Variants in SLC44A5 observed in about 807,000 individuals in gnomAD.
SLC44A5 encodes solute carrier family 44 member 5, also known as choline transporter-like protein 5.
SLC44A5 carries 57 observed loss-of-function variants against 101.8 expected under a neutral mutation model. That is an observed-to-expected ratio of 0.56 (90% confidence interval 0.45 to 0.70). The LOEUF is 0.70. Among genes scored for constraint, SLC44A5 ranks in the 30% least tolerant of loss-of-function variants. The pLI is 0.00. For missense variants in SLC44A5, 737 were observed against 853.1 expected (o/e 0.86, Z 1.70); for synonymous variants, 281 against 290.9 (o/e 0.97, Z 0.35).
At chr1:75,211,620 T>A (rs1476150525) in intron 22 of SLC44A5, 68 bp from the exon 23 acceptor site, 1 of 1,175,972 alleles carries the variant, frequency 8.5e-7, no homozygotes, top group East Asian at 2.4e-5. Context: ...AATGCAGCTA[T>A]AAATGAAAGC....
intron 2 of SLC44A5, among the ~76,000 whole-genome samples, chr1:75,486,889 G>C (rs542443078): frequency 2.0e-5 from 3 of 152,272 alleles, no homozygotes; most frequent in South Asian, 2.1e-4. Flanking sequence ...TAATTACTTA[G>C]CTCTGTTATG....
At chr1:75,605,310 C>T (rs1675258118) in intron 1 of SLC44A5, among the ~76,000 whole-genome samples, 1 of 151,652 alleles carries the variant, frequency 6.6e-6, no homozygotes, top group African/African-American at 2.4e-5. Flanking sequence ...TCTTCAGAGC[C>T]TTTCTTAAAA....
the SLC44A5 span, among the ~76,000 whole-genome samples, chr1:75,713,848 G>A: frequency 1.3e-5 from 2 of 152,170 alleles, no homozygotes; most frequent in Non-Finnish European, 2.9e-5. Flanking sequence ...TGTTGCCCAA[G>A]CTGAAGTGTG....
chr1:75,277,082 T>C (rs1414039290), intron 5 of SLC44A5, among the ~76,000 whole-genome samples: 2 of 152,186 alleles, frequency 1.3e-5, no homozygotes, highest in East Asian at 3.9e-4. Context: ...CTAGAAGTTA[T>C]ACCAATGTGA....
chr1:75,248,679 T>C (rs757438366), intron 7 of SLC44A5, among the ~76,000 whole-genome samples: 2 of 152,072 alleles, frequency 1.3e-5, no homozygotes, highest in Non-Finnish European at 2.9e-5. Flanking sequence ...CAACGGTCTG[T>C]AGTATGGTTG....
intron 6 of SLC44A5, among the ~76,000 whole-genome samples, chr1:75,265,841 G>A (rs1650937623): frequency 6.6e-6 from 1 of 152,042 alleles, no homozygotes; most frequent in Non-Finnish European, 1.5e-5. Context: ...AAGTAATTTC[G>A]GCACAACCTT....
At chr1:75,670,913 A>C in the SLC44A5 span, among the ~76,000 whole-genome samples, 1 of 152,214 alleles carries the variant, frequency 6.6e-6, no homozygotes, top group Non-Finnish European at 1.5e-5. Context: ...GGGTATGATA[A>C]GACATGCACA....
At chr1:75,558,834 C>T (rs2102002004) in intron 1 of SLC44A5, among the ~76,000 whole-genome samples, 1 of 152,148 alleles carries the variant, frequency 6.6e-6, no homozygotes, top group South Asian at 2.1e-4. Flanking sequence ...TTCTTTTCCT[C>T]AGAATCAAAA....
chr1:75,204,000 T>C (rs1408698678), intron 23 of SLC44A5, among the ~76,000 whole-genome samples, 167 bp from the exon 24 acceptor site: 2 of 152,078 alleles, frequency 1.3e-5, no homozygotes, highest in Admixed American at 6.6e-5. Flanking sequence ...ATTGTAAACA[T>C]AGTTATGCGA....
intron 1 of SLC44A5, among the ~76,000 whole-genome samples, chr1:75,553,772 A>G (rs1672066837): frequency 2.0e-5 from 3 of 152,154 alleles, no homozygotes; most frequent in East Asian, 1.9e-4. Flanking sequence ...TGGTCCCCCA[A>G]TTATTCAACT....
chr1:75,272,583 A>C (rs1265298118), intron 6 of SLC44A5, among the ~76,000 whole-genome samples: 1 of 151,880 alleles, frequency 6.6e-6, no homozygotes, highest in East Asian at 1.9e-4. Flanking sequence ...AGAGATGAGG[A>C]TCCAGTTTCA....
At chr1:75,642,139 C>T in the SLC44A5 span, 14 of 866,968 alleles carry the variant, frequency 1.6e-5, no homozygotes, top group South Asian at 1.7e-4. Flanking sequence ...ATTAAAACTG[C>T]CTGTAAATAA....
chr1:75,610,174 C>CAT (rs1491020386), intron 1 of SLC44A5, among the ~76,000 whole-genome samples: 1 of 146,482 alleles, frequency 6.8e-6, no homozygotes, highest in African/African-American at 2.5e-5. Flanking sequence ...CACACACACA[C>CAT]ATAGTGAAGT....
chr1:75,345,315 T>TA (rs1268378614), intron 3 of SLC44A5, among the ~76,000 whole-genome samples: 1 of 151,174 alleles, frequency 6.6e-6, no homozygotes, highest in African/African-American at 2.5e-5. Context: ...TTAACTGGTA[T>TA]AAAATGTTAT....
intron 13 of SLC44A5, among the ~76,000 whole-genome samples, chr1:75,222,728 T>C (rs577533573): frequency 6.6e-6 from 1 of 152,338 alleles, no homozygotes; most frequent in Admixed American, 6.5e-5. Flanking sequence ...ACACAACTTG[T>C]AGAACTTAGA....
chr1:75,337,320 T>C (rs1026938518), intron 4 of SLC44A5, among the ~76,000 whole-genome samples: 3 of 152,190 alleles, frequency 2.0e-5, no homozygotes, highest in Non-Finnish European at 2.9e-5. Flanking sequence ...ATCAGTAGGC[T>C]TCCTACAAGG....
At chr1:75,251,555 T>A (rs1401956991) in intron 6 of SLC44A5, among the ~76,000 whole-genome samples, 1 of 152,174 alleles carries the variant, frequency 6.6e-6, no homozygotes, top group Admixed American at 6.6e-5. Flanking sequence ...AACATTACAT[T>A]GCCATTGAAA....
At chr1:75,701,715 T>C in the SLC44A5 span, among the ~76,000 whole-genome samples, 1 of 152,228 alleles carries the variant, frequency 6.6e-6, no homozygotes, top group Non-Finnish European at 1.5e-5. Context: ...GGAAGTCAAA[T>C]TGTTCCTGTT....
the SLC44A5 span, among the ~76,000 whole-genome samples, chr1:75,633,741 G>A: frequency 6.6e-6 from 1 of 151,896 alleles, no homozygotes; most frequent in East Asian, 1.9e-4. Flanking sequence ...GCCCTGGCCA[G>A]AACTTCCAAC....
Sources: gnomAD v4.1 joint callset for allele counts (sites outside exome capture counted in the v4.1 genomes callset) on GRCh38, gnomAD v4.1.1 for gene constraint, MANE v1.5 for transcripts, NCBI Gene and HGNC (gene_info 2026-07-23, HGNC 2026-07-21) for gene names.